The following TSPAN3 variants were observed in gnomAD, a reference collection of about 807,000 sequenced individuals.
The protein encoded by TSPAN3 is tetraspanin 3.
A neutral mutation model predicts 31.1 loss-of-function variants in TSPAN3; 9 were observed. That is an observed-to-expected ratio of 0.29 (90% CI 0.17 to 0.50). The LOEUF is 0.50. TSPAN3 is among the 20% of genes least tolerant of loss of function. The probability of loss-of-function intolerance (pLI) is 0.98; values close to 1 mark genes in which losing one functional copy is unlikely to be tolerated. For missense variants in TSPAN3, 252 were observed against 313.5 expected, an observed-to-expected ratio of 0.80 and a Z score of 1.48; for synonymous variants, 129 against 114.3, an observed-to-expected ratio of 1.13 and a Z score of -0.82.
At chr15:77,070,827 G>A (rs1395933935) in intron 1 of TSPAN3, 65 bp downstream of exon 1, 43 of 1,018,128 alleles carry the variant, frequency 4.2e-5, no homozygotes, top group Non-Finnish European at 5.1e-5. Context: ...GGCCCCCACG[G>A]GCGCCTCCGC....
intron 3 of TSPAN3, chr15:77,054,999 C>T (rs180770749): frequency 2.2e-4 from 34 of 152,284 alleles, no homozygotes; most frequent in African/African-American, 7.0e-4. Flanking sequence ...AAATTGATAA[C>T]CAGATCATAG....
intron 1 of TSPAN3, among the ~76,000 whole-genome samples, chr15:77,070,475 A>C (rs2076860981): frequency 6.6e-6 from 1 of 151,934 alleles, no homozygotes; most frequent in South Asian, 2.1e-4. Context: ...CTCGTCTGCG[A>C]GGCCCCGACA....
chr15:77,042,543 T>A lies in TSPAN3; in HGVS notation c.*4292A>T, dbSNP rs925546226. On this transcript the variant is annotated 3_prime_UTR_variant, in exon 7 of 7. Coordinates refer to ENST00000267970, the MANE Select transcript of TSPAN3 (RefSeq NM_005724.6). Reference sequence around the variant, plus strand: ...GGCTCTCGCTGGCCAAGTCGGGAACTATCTGAGGAACTCTTCCCCCATCCC... The same window carrying A: ...GGCTCTCGCTGGCCAAGTCGGGAACAATCTGAGGAACTCTTCCCCCATCCC... The A allele has an allele frequency of 1.3e-5, 2 of 152,156 alleles. No homozygotes were observed. The highest frequency in any genetic ancestry group is 4.8e-5 in the African/African-American group (2 of 41,418). 9.4% of individuals were successfully genotyped at this position (152,156 alleles called of 1,614,324 possible).
chr15:77,069,195 T>C (rs2076851613), intron 1 of TSPAN3, among the ~76,000 whole-genome samples: 1 of 152,232 alleles, frequency 6.6e-6, no homozygotes, highest in Non-Finnish European at 1.5e-5. Context: ...TCCTGGTTTA[T>C]AACGAGATGC....
At chr15:77,070,870 C>T (rs2076864778) in intron 1 of TSPAN3, 22 bp downstream of exon 1, 1 of 1,318,394 alleles carries the variant, frequency 7.6e-7, no homozygotes, top group Non-Finnish European at 9.8e-7. Flanking sequence ...GCCGGCCCCT[C>T]GCTCTGCCCG....
At chr15:77,057,421 A>C (rs1386595990) in intron 1 of TSPAN3, among the ~76,000 whole-genome samples, 1 of 152,248 alleles carries the variant, frequency 6.6e-6, no homozygotes, top group Non-Finnish European at 1.5e-5. Flanking sequence ...AGATCATTTA[A>C]GTTTATGAAA....
chr15:77,052,509 A>G (rs2076738993), intron 5 of TSPAN3, 41 bp from the exon 6 acceptor site: 3 of 1,589,592 alleles, frequency 1.9e-6, no homozygotes, highest in South Asian at 2.2e-5. Context: ...GTGTTCTTTA[A>G]AAGTTAAAGC....
chr15:77,053,770 C>A (rs944692384), intron 4 of TSPAN3, among the ~76,000 whole-genome samples: 1 of 152,056 alleles, frequency 6.6e-6, no homozygotes, highest in Non-Finnish European at 1.5e-5. Context: ...ATCAGACTGT[C>A]CATAACAACT....
chr15:77,070,660 G>A (rs1193983082), intron 1 of TSPAN3, among the ~76,000 whole-genome samples: 2 of 152,020 alleles, frequency 1.3e-5, no homozygotes, highest in Admixed American at 6.5e-5. Context: ...GGAGGCCGTG[G>A]AGTCCCTGAA....
Position 77,056,059 on chromosome 15 carries a change from C to A in TSPAN3, c.255+5G>T. On this transcript the variant is annotated splice_donor_5th_base_variant and intron_variant, in intron 2 of 6. Transcript: ENST00000267970. ...ACTCCTGCATGTTCTCACAACACAT[C>A]TTACCGTGGCAAGTCCACAGCGACT... 6.2e-7 allele frequency: 1 copy of A among 1,600,270 alleles called. No homozygotes were observed. The highest frequency in any genetic ancestry group is 1.1e-5 in the South Asian group (1 of 88,578).
intron 6 of TSPAN3, among the ~76,000 whole-genome samples, chr15:77,049,258 A>G (rs1339140959): frequency 6.6e-6 from 1 of 152,180 alleles, no homozygotes; most frequent in African/African-American, 2.4e-5. Context: ...GAGGAGGAGG[A>G]AAGAGCAGTC....
intron 3 of TSPAN3, 91 bp from the exon 4 acceptor site, chr15:77,054,370 T>C: frequency 1.1e-6 from 1 of 907,056 alleles, no homozygotes; most frequent in Non-Finnish European, 1.8e-6. Flanking sequence ...ATGAAATGTT[T>C]GCAAGTTGCC....
At position 77,071,061 on chromosome 15, in the gene TSPAN3, G is replaced by A. The variant is rs1257268857; in HGVS notation, c.-107C>T. ...CGCTAGGAACTGCACGGCCTGCGCG[G>A]CGCTCCCCGCAGCCCCTGCGCCGTC... On this transcript the variant is annotated 5_prime_UTR_variant, in exon 1 of 7. Coordinates refer to ENST00000267970, the MANE Select transcript of TSPAN3 (RefSeq NM_005724.6). 5 of 761,220 alleles carry A rather than the reference G, an allele frequency of 6.6e-6. No homozygotes were observed. Among genetic ancestry groups the A allele is most frequent in the African/African-American group, 5.6e-5 (3 of 53,372 alleles). 47.2% of individuals were successfully genotyped at this position (761,220 alleles called of 1,614,324 possible). A position where few individuals can be genotyped will look rare whatever the true frequency, so the allele number is the denominator to read the frequency against.
chr15:77,056,090 G>A lies in TSPAN3; in HGVS notation c.229C>T (p.Arg77Trp), dbSNP rs148163067. 6 of 1,610,806 alleles carry A rather than the reference G, an allele frequency of 3.7e-6. No individual in the cohort carries two copies. Among genetic ancestry groups the A allele is most frequent in the Admixed American group, 1.7e-5 (1 of 59,246 alleles). The stretch of plus-strand genomic sequence containing the variant: ...GTGGCAAGTCCACAGCGACTTTCCC[G>A]GATTGTGGCACAGCAGCCAATTAGC... ...IGLIGCCATIRESRCGLATFV... is the reference protein window; with the variant it reads ...IGLIGCCATIWESRCGLATFV... The change falls in exon 2 of 7, where the codon CGG becomes TGG. Residue 77 changes from arginine to tryptophan, a missense_variant. Coordinates refer to ENST00000267970, the MANE Select transcript of TSPAN3 (RefSeq NM_005724.6).
At chr15:77,066,399 GTC>G (rs1462183252) in intron 1 of TSPAN3, among the ~76,000 whole-genome samples, 4 of 151,804 alleles carry the variant, frequency 2.6e-5, no homozygotes, top group Non-Finnish European at 4.4e-5. Context: ...GTGAAACCCT[GTC>G]TCTGTTAAAA....
intron 1 of TSPAN3, among the ~76,000 whole-genome samples, chr15:77,061,595 T>C (rs1236255330): frequency 6.6e-6 from 1 of 152,070 alleles, no homozygotes; most frequent in South Asian, 2.1e-4. Flanking sequence ...AACCACGGTG[T>C]AACCTGCCAT....
chr15:77,050,471 C>T (rs1227801342), intron 6 of TSPAN3, among the ~76,000 whole-genome samples: 3 of 151,890 alleles, frequency 2.0e-5, no homozygotes, highest in Non-Finnish European at 2.9e-5. Context: ...ATTTATTAGC[C>T]CCTATTGAAA....
chr15:77,046,865 C>T lies in TSPAN3; in HGVS notation c.732G>A (p.Glu244=), dbSNP rs768754210. Residue 244 remains glutamate (E), a synonymous_variant, in exon 7 of 7, where the codon GAG becomes GAA. Coordinates refer to ENST00000267970, the MANE Select transcript of TSPAN3 (RefSeq NM_005724.6). ...LCRRSRDPAY[E]LLITGGTYA ...CATAGGTTCCGCCAGTGATGAGGAGCTCGTAAGCAGGATCTCTACTCCTTC... is the reference window on the plus strand; with the variant it reads ...CATAGGTTCCGCCAGTGATGAGGAGTTCGTAAGCAGGATCTCTACTCCTTC... 6 of 1,594,416 alleles carry T rather than the reference C, an allele frequency of 3.8e-6. No homozygotes were observed. Among genetic ancestry groups the T allele is most frequent in the Non-Finnish European group, 4.3e-6 (5 of 1,168,088 alleles).
chr15:77,052,748 T>C (rs774566722), intron 5 of TSPAN3, 29 bp downstream of exon 5: 2 of 1,606,268 alleles, frequency 1.2e-6, no homozygotes, highest in East Asian at 4.5e-5. Flanking sequence ...TTAATCAAGC[T>C]AGACTCAAGT....
Sources: allele counts gnomAD v4.1 joint callset (sites outside exome capture counted in the v4.1 genomes callset), GRCh38; gene constraint gnomAD v4.1.1; transcripts MANE v1.5; gene names NCBI Gene and HGNC (gene_info 2026-07-23, HGNC 2026-07-21).